Variants in STX18 observed in about 807,000 individuals in gnomAD.
STX18 encodes syntaxin-18.
A neutral mutation model predicts 50.1 loss-of-function variants in STX18; 40 were observed. The observed-to-expected ratio is 0.80, with a 90% CI of 0.62 to 1.04. The LOEUF (loss-of-function observed/expected upper bound fraction) is 1.04, where lower values mean the gene tolerates loss of function less well. Among genes scored for constraint, STX18 ranks in the 50% least tolerant of loss-of-function variants. The probability of loss-of-function intolerance (pLI) is 0.00; values close to 1 mark genes in which losing one functional copy is unlikely to be tolerated. For missense variants in STX18, 410 were observed against 415.8 expected (o/e 0.99, Z 0.12); for synonymous variants, 158 against 151.8 (o/e 1.04, Z -0.30).
intron 1 of STX18, among the ~76,000 whole-genome samples, chr4:4,500,697 T>C (rs887394397): frequency 6.6e-6 from 1 of 152,206 alleles, no homozygotes; most frequent in Non-Finnish European, 1.5e-5. Flanking sequence ...CAAATTCTTC[T>C]AAAAAATTAC....
intron 1 of STX18, among the ~76,000 whole-genome samples, chr4:4,472,025 T>C (rs1253446625): frequency 6.6e-6 from 1 of 152,244 alleles, no homozygotes; most frequent in Non-Finnish European, 1.5e-5. Context: ...TTAATTCCTT[T>C]TCTTTTCTTA....
At chr4:4,421,701 T>G (rs1724976784) in intron 9 of STX18, among the ~76,000 whole-genome samples, 1 of 152,198 alleles carries the variant, frequency 6.6e-6, no homozygotes, top group South Asian at 2.1e-4. Flanking sequence ...CTCATTTCTT[T>G]CTGAAGTCCA....
In STX18 at chr4:4,434,824, T is replaced by C. The variant is rs1006900355; in HGVS notation, c.648A>G (p.Gly216=). 1.9e-6 allele frequency: 3 copies of C among 1,605,534 alleles called. No individual in the cohort carries two copies. In the African/African-American group the frequency reaches 4.0e-5, roughly 22 times the overall value. Reference sequence around the variant, plus strand: ...CTTCGCCTTTGCCATCTCCCCACGTTCCCAATTCAGGTTGTGTTTCAGCCA... The same window carrying C: ...CTTCGCCTTTGCCATCTCCCCACGTCCCCAATTCAGGTTGTGTTTCAGCCA... ...KILAETQPEL[G]TWGDGKGEDE... The change falls in exon 7 of 11, where the codon GGA becomes GGG. Residue 216 remains glycine (G), a synonymous_variant. Coordinates refer to ENST00000306200, the MANE Select transcript of STX18 (RefSeq NM_016930.4).
intron 5 of STX18, among the ~76,000 whole-genome samples, chr4:4,448,256 G>C (rs1271988018): frequency 6.6e-6 from 1 of 152,164 alleles, no homozygotes; most frequent in Non-Finnish European, 1.5e-5. Flanking sequence ...CCTTGAAAAA[G>C]ACACATTTAC....
In STX18 at chr4:4,420,240, G is replaced by C; in HGVS notation, c.913-111C>G. 2.5e-6 allele frequency: 2 copies of C among 803,244 alleles called. No individual in the cohort carries two copies. The highest frequency in any genetic ancestry group is 4.1e-6 in the Non-Finnish European group (2 of 490,410). 49.8% of individuals were successfully genotyped at this position (803,244 alleles called of 1,614,324 possible). On this transcript the variant is annotated intron_variant, in intron 10 of 10. Coordinates refer to ENST00000306200, the MANE Select transcript of STX18 (RefSeq NM_016930.4). The surrounding 1 kb of genome is among the most constrained non-coding windows in gnomAD (Gnocchi z 4.3). ...TCTCCTGATCCTGGCTGTAACTATG[G>C]GTGTCGTTCCATCTGTGCTTACCTT... is the stretch of plus-strand genomic sequence containing the variant.
intron 1 of STX18, among the ~76,000 whole-genome samples, chr4:4,517,863 C>T (rs1730350502): frequency 6.6e-6 from 1 of 151,856 alleles, no homozygotes; most frequent in African/African-American, 2.4e-5. Context: ...CAACCTCCAC[C>T]TCCTGGGTTC....
intron 1 of STX18, among the ~76,000 whole-genome samples, chr4:4,524,997 A>G (rs1209617823): frequency 1.3e-5 from 2 of 152,218 alleles, no homozygotes; most frequent in Non-Finnish European, 2.9e-5. Context: ...GGTACAACAC[A>G]AAATAGAAGA....
chr4:4,455,902 G>A (rs1326175333), intron 5 of STX18, among the ~76,000 whole-genome samples: 2 of 152,112 alleles, frequency 1.3e-5, no homozygotes, highest in East Asian at 1.9e-4. Context: ...TCATAGCCAG[G>A]AGCAGGACTG....
intron 1 of STX18, among the ~76,000 whole-genome samples, chr4:4,518,267 T>C (rs115846210): frequency 2.4e-3 from 365 of 152,324 alleles, no homozygotes; most frequent in Middle Eastern, 0.014. Context: ...ATTAAGTGAC[T>C]AAAAGCACAG....
At chr4:4,493,456 T>C (rs1217470780) in intron 1 of STX18, among the ~76,000 whole-genome samples, 1 of 152,222 alleles carries the variant, frequency 6.6e-6, no homozygotes, top group Non-Finnish European at 1.5e-5. Flanking sequence ...TGTATTTAAT[T>C]GACACCACAG....
intron 1 of STX18, among the ~76,000 whole-genome samples, chr4:4,488,173 C>G (rs773235163): frequency 6.6e-6 from 1 of 152,028 alleles, no homozygotes; most frequent in East Asian, 1.9e-4. Flanking sequence ...GTGAGGTGAA[C>G]AGATTAGCAG....
At chr4:4,421,718 T>G (rs1297475188) in intron 9 of STX18, among the ~76,000 whole-genome samples, 1 of 152,228 alleles carries the variant, frequency 6.6e-6, no homozygotes, top group East Asian at 1.9e-4. Flanking sequence ...TCCACAGAAG[T>G]AAGCTTTAAA....
At chr4:4,435,755 G>T (rs535339354) in intron 6 of STX18, among the ~76,000 whole-genome samples, 1 of 152,166 alleles carries the variant, frequency 6.6e-6, no homozygotes, top group African/African-American at 2.4e-5. Flanking sequence ...GAAAGGGAGC[G>T]TAGGAACATT....
rs2108766301 is a variant in STX18, at chr4:4,420,799, T to TAACA, written c.912+61_912+64dup. On this transcript the variant is annotated intron_variant, in intron 10 of 10. Transcript: ENST00000306200. This position sits in a 1 kb window ranked among gnomAD's most constrained non-coding sequence, Gnocchi z 4.3. ...TCCTGGGCAGCTGTGCCGGCGAGAC[T>TAACA]AACACCCGCTGCTGGGACTCAGTGC... is the stretch of plus-strand genomic sequence containing the variant. The TAACA allele has an allele frequency of 6.9e-7, 1 of 1,451,898 alleles. No homozygotes were observed. The highest frequency in any genetic ancestry group is 1.4e-5 in the African/African-American group (1 of 71,660). The allele number at this position is 1,451,898 out of a possible 1,614,324, so 89.9% of individuals were successfully genotyped here.
intron 5 of STX18, among the ~76,000 whole-genome samples, chr4:4,451,462 T>A (rs1241540603): frequency 6.6e-6 from 1 of 152,264 alleles, no homozygotes; most frequent in East Asian, 1.9e-4. Flanking sequence ...TATTGCATTT[T>A]TTGTTTGTTT....
At chr4:4,540,134 G>T (rs551187208) in intron 1 of STX18, among the ~76,000 whole-genome samples, 1 of 152,154 alleles carries the variant, frequency 6.6e-6, no homozygotes, top group South Asian at 2.1e-4. Context: ...GAGGACCAAG[G>T]TAGTTTTTTA....
At chr4:4,447,337 C>T (rs1368473415) in intron 5 of STX18, among the ~76,000 whole-genome samples, 1 of 151,262 alleles carries the variant, frequency 6.6e-6, no homozygotes, top group African/African-American at 2.4e-5. Context: ...CGCCTGTAAT[C>T]CCAGCACTTT....
At chr4:4,449,884 T>C (rs183545704) in intron 5 of STX18, among the ~76,000 whole-genome samples, 1 of 152,386 alleles carries the variant, frequency 6.6e-6, no homozygotes, top group East Asian at 1.9e-4. Flanking sequence ...TTATCTCTAA[T>C]TTGGCCAGTA....
intron 2 of STX18, among the ~76,000 whole-genome samples, chr4:4,463,346 T>C (rs1203992890): frequency 6.6e-6 from 1 of 152,236 alleles, no homozygotes; most frequent in Admixed American, 6.5e-5. Context: ...AATGTTCACA[T>C]GTGATAAAAT....
Sources: allele counts gnomAD v4.1 joint callset (sites outside exome capture counted in the v4.1 genomes callset), GRCh38; gene constraint gnomAD v4.1.1; non-coding constraint Gnocchi (gnomAD v3.1); transcripts MANE v1.5; gene names NCBI Gene and HGNC (gene_info 2026-07-23, HGNC 2026-07-21).